Variants in CANX observed in about 807,000 individuals in gnomAD.
The protein encoded by CANX is epididymis secretory sperm binding protein.
Under a neutral mutation model 75.7 loss-of-function variants are expected in CANX, and 14 were observed. The observed-to-expected ratio is 0.19, with a 90% CI of 0.12 to 0.29. The LOEUF is 0.29. CANX is among the 10% of genes least tolerant of loss of function. The probability of loss-of-function intolerance (pLI) is 1.00; values close to 1 mark genes in which losing one functional copy is unlikely to be tolerated. For synonymous variants in CANX, 227 were observed against 236.9 expected, an observed-to-expected ratio of 0.96 and a Z score of 0.38; for missense variants, 567 against 713.2, an observed-to-expected ratio of 0.79 and a Z score of 2.34.
In CANX at chr5:179,688,416, C is replaced by T. The variant is rs557091464; in HGVS notation, c.-4+9639C>T. Among the ~76,000 whole-genome samples the T allele has an allele frequency of 5.0e-4, 65 of 130,614 alleles. 1 individual carries two copies. The South Asian group carries it at 0.014, about 29-fold the overall frequency. 85.7% of individuals were successfully genotyped at this position (130,614 alleles called of 152,430 possible). A position where few individuals can be genotyped will look rare whatever the true frequency, so the allele number is the denominator to read the frequency against. On this transcript the variant is annotated intron_variant, in intron 1 of 14. Transcript: ENST00000681674. The stretch of plus-strand genomic sequence containing the variant: ...TCTCACTCTGTCGCCCAGGCTGGAG[C>T]GCAGTGGCACAATCTCGGTTCACTG...
At chr5:179,679,030 T>TGGCG in intron 1 of CANX, 1 of 1,534,708 alleles carries the variant, frequency 6.5e-7, no homozygotes, top group Non-Finnish European at 8.7e-7. Flanking sequence ...TGCGGCGCAG[T>TGGCG]GGCGGCCGCC....
chr5:179,717,612 CT>C (rs1273512162), intron 8 of CANX, among the ~76,000 whole-genome samples: 1 of 152,090 alleles, frequency 6.6e-6, no homozygotes, highest in Non-Finnish European at 1.5e-5. Flanking sequence ...TTTATCCATC[CT>C]TTGGTGGACA....
At chr5:179,679,207 G>A (rs1775986912) in intron 1 of CANX, 2 of 1,534,406 alleles carry the variant, frequency 1.3e-6, no homozygotes, top group South Asian at 1.2e-5. Flanking sequence ...GACTCGTGCT[G>A]CGCTCTTGTC....
chr5:179,726,559 G>A (rs1778687184), intron 13 of CANX, 121 bp from the exon 14 acceptor site: 1 of 643,096 alleles, frequency 1.6e-6, no homozygotes, highest in Non-Finnish European at 2.7e-6. Flanking sequence ...CTGGGCGACA[G>A]AGCAAGACTC....
chr5:179,680,234 C>G (rs1776027292), intron 1 of CANX, among the ~76,000 whole-genome samples: 3 of 152,036 alleles, frequency 2.0e-5, no homozygotes, highest in South Asian at 2.1e-4. Flanking sequence ...CAGGCAGGCT[C>G]GGAAGCTTAG....
At chr5:179,719,640 A>G in intron 8 of CANX, 28 bp from the exon 9 acceptor site, 1 of 1,326,270 alleles carries the variant, frequency 7.5e-7, no homozygotes, top group Non-Finnish European at 1.1e-6. Flanking sequence ...CAGTGTTGTC[A>G]TAACTGGCTT....
At chr5:179,678,827 G>C in intron 1 of CANX, 3 of 1,536,984 alleles carry the variant, frequency 2.0e-6, no homozygotes, top group Non-Finnish European at 2.6e-6. Context: ...CTGCACCTGC[G>C]CCTTCCAGCC....
At chr5:179,684,944 T>G (rs1203672128) in intron 1 of CANX, among the ~76,000 whole-genome samples, 3 of 139,552 alleles carry the variant, frequency 2.1e-5, no homozygotes, top group East Asian at 4.2e-4. Context: ...TTTTTTTTTT[T>G]TTTTTTTTTT....
rs747021239 is a variant in CANX at position 179,722,762 on chromosome 5, A to G, written c.1183-42A>G. The G allele has an allele frequency of 3.5e-6, 5 of 1,412,422 alleles. No individual in the cohort carries two copies. The African/African-American group carries it at 5.7e-5, about 16-fold the overall frequency. The allele number at this position is 1,412,422 out of a possible 1,614,324, so 87.5% of individuals were successfully genotyped here. A position where few individuals can be genotyped will look rare whatever the true frequency, so the allele number is the denominator to read the frequency against. On this transcript the variant is annotated intron_variant, in intron 10 of 14. Transcript: ENST00000247461. The stretch of plus-strand genomic sequence containing the variant: ...GTAGATTCACCATAAACTTTTGTTG[A>G]TCATTATCTGAAATGATTTTCTGAA...
At chr5:179,694,640 C>A, upstream of CANX, 1 of 831,856 alleles carries the variant, frequency 1.2e-6, no homozygotes, top group Non-Finnish European at 2.1e-6. Context: ...AGGAGAAGTA[C>A]GAGAAGGATG....
At chr5:179,691,145 C>G (rs1776293033) in intron 1 of CANX, among the ~76,000 whole-genome samples, 1 of 151,880 alleles carries the variant, frequency 6.6e-6, no homozygotes, top group African/African-American at 2.4e-5. Flanking sequence ...CCTGCCTCAG[C>G]CTCCCGAGTA....
chr5:179,708,374 T>C lies in CANX; in HGVS notation c.440T>C (p.Ile147Thr). 6.2e-7 allele frequency: 1 copy of C among 1,613,108 alleles called. No individual in the cohort carries two copies. ...TTCCTGTTTGACACCAAGCCTCTCA[T>C]TGTTCAGTAAGTGAAATGCTTGTTG... is the stretch of plus-strand genomic sequence containing the variant. The part of the protein sequence containing the change: ...KPFLFDTKPL[I>T]VQYEVNFQNG... Residue 147 changes from isoleucine to threonine, a missense_variant, in exon 5 of 15, where the codon ATT becomes ACT. Transcript: ENST00000247461.
rs1488209810 is a variant in CANX at position 179,698,969 on chromosome 5, C to G, written c.-137C>G. The G allele has an allele frequency of 8.9e-7, 1 of 1,123,064 alleles. No individual in the cohort carries two copies. Among genetic ancestry groups the G allele is most frequent in the South Asian group, 1.8e-5 (1 of 55,062 alleles). 69.6% of individuals were successfully genotyped at this position (1,123,064 alleles called of 1,614,324 possible). ...GCGGTGGGGCTCGCTCGCGCGGCAG[C>G]GGTGGCCGAGGCCTCTTGGTTCTGC... On this transcript the variant is annotated 5_prime_UTR_variant, in exon 1 of 15. Coordinates refer to ENST00000247461, the MANE Select transcript of CANX (RefSeq NM_001746.4).
In CANX at chr5:179,729,124, G is replaced by A. The variant is rs764606847; in HGVS notation, c.*480G>A. On this transcript the variant is annotated 3_prime_UTR_variant, in exon 15 of 15. Coordinates refer to ENST00000247461, the MANE Select transcript of CANX (RefSeq NM_001746.4). ...TCTGTCCCTCAAAATTGATAATTAC[G>A]TTTAAAGTGCAGTCATTTGTGGTTA... 13 of 190,870 alleles carry A rather than the reference G, an allele frequency of 6.8e-5. No homozygotes were observed. The highest frequency in any genetic ancestry group is 1.2e-4 in the African/African-American group (5 of 41,624). 11.8% of individuals were successfully genotyped at this position (190,870 alleles called of 1,614,324 possible). A position where few individuals can be genotyped will look rare whatever the true frequency, so the allele number is the denominator to read the frequency against.
intron 10 of CANX, among the ~76,000 whole-genome samples, chr5:179,722,244 G>A (rs1044549407): frequency 1.3e-5 from 2 of 152,162 alleles, no homozygotes. Flanking sequence ...TGAGGCACAA[G>A]GATCACTTGA....
intron 1 of CANX, among the ~76,000 whole-genome samples, chr5:179,683,423 G>A (rs542883346): frequency 9.9e-5 from 15 of 152,016 alleles, no homozygotes; most frequent in Admixed American, 3.9e-4. Context: ...GTGAGCCACC[G>A]CGCCCGGCCA....
At chr5:179,691,459 C>A (rs1044377516) in intron 1 of CANX, among the ~76,000 whole-genome samples, 1 of 151,948 alleles carries the variant, frequency 6.6e-6, no homozygotes, top group Non-Finnish European at 1.5e-5. Context: ...GTAATCCCAG[C>A]ATTTTGTGAG....
chr5:179,706,207 G>A, intron 2 of CANX, 51 bp from the exon 3 acceptor site: 1 of 994,768 alleles, frequency 1.0e-6, no homozygotes. Flanking sequence ...TAGATAAAAA[G>A]GCATGTTGCT....
chr5:179,681,084 A>G (rs1776052198), intron 1 of CANX: 1 of 624,728 alleles, frequency 1.6e-6, no homozygotes, highest in Non-Finnish European at 2.9e-6. Context: ...ATGACTCACA[A>G]TGCCTCCAGG....
Sources: allele counts gnomAD v4.1 joint callset (sites outside exome capture counted in the v4.1 genomes callset), GRCh38; gene constraint gnomAD v4.1.1; transcripts MANE v1.5; gene names NCBI Gene and HGNC (gene_info 2026-07-23, HGNC 2026-07-21).